Variants in EXTL2 observed in about 807,000 individuals in gnomAD.
EXTL2 encodes exostosin like glycosyltransferase 2.
Under a neutral mutation model 30.7 loss-of-function variants are expected in EXTL2, and 23 were observed. The observed-to-expected ratio is 0.75, with a 90% confidence interval of 0.54 to 1.06. The LOEUF (loss-of-function observed/expected upper bound fraction) is 1.06. EXTL2 is among the 50% of genes least tolerant of loss of function. The pLI is 0.00. For synonymous variants in EXTL2, 123 were observed against 133.8 expected, an observed-to-expected ratio of 0.92 and a Z score of 0.56; for missense variants, 352 against 396.3, an observed-to-expected ratio of 0.89 and a Z score of 0.95.
intron 4 of EXTL2, 54 bp from the exon 5 acceptor site, chr1:100,874,484 A>G: frequency 7.3e-7 from 1 of 1,363,264 alleles, no homozygotes; most frequent in South Asian, 1.4e-5. Context: ...GAGAAGACAT[A>G]GTGAAAAAGG....
In EXTL2 at chr1:100,874,050, A is replaced by G; in HGVS notation, c.885T>C (p.Tyr295=). The change falls in exon 5 of 5, where the codon TAT becomes TAC. Residue 295 remains tyrosine (Y), a synonymous_variant. Transcript: ENST00000370114. ...HRAEHALQRS[Y]CINKLVNIYD... is the part of the protein sequence containing the mutation. ...AGATATTAACAAGCTTATTTATACAATAAGACCTCTGCAGAGCGTGCTCAG... is the reference window on the plus strand; with the variant it reads ...AGATATTAACAAGCTTATTTATACAGTAAGACCTCTGCAGAGCGTGCTCAG... 4.3e-6 allele frequency: 7 copies of G among 1,613,194 alleles called. No homozygotes were observed. The highest frequency in any genetic ancestry group is 5.9e-6 in the Non-Finnish European group (7 of 1,179,500).
intron 2 of EXTL2, among the ~76,000 whole-genome samples, chr1:100,883,597 G>T: frequency 6.6e-6 from 1 of 151,572 alleles, no homozygotes; most frequent in African/African-American, 2.4e-5. Flanking sequence ...TTTTTTTGTT[G>T]CCAAGTAACA....
intron 4 of EXTL2, 148 bp from the exon 5 acceptor site, chr1:100,874,578 C>T (rs12039319): frequency 0.4 from 264,818 of 664,462 alleles, 55,275 homozygotes; most frequent in South Asian, 0.49. Context: ...TATCTAGCTC[C>T]AGGTAACTTC....
chr1:100,893,173 G>A (rs1650567872), intron 1 of EXTL2, among the ~76,000 whole-genome samples: 1 of 152,184 alleles, frequency 6.6e-6, no homozygotes, highest in Admixed American at 6.5e-5. Context: ...GTTTAAAAAT[G>A]TTCAATAGTA....
intron 1 of EXTL2, among the ~76,000 whole-genome samples, chr1:100,889,146 G>A (rs1650209769): frequency 6.6e-6 from 1 of 152,198 alleles, no homozygotes; most frequent in Non-Finnish European, 1.5e-5. Flanking sequence ...TTGACTCATA[G>A]TTCCACATGG....
chr1:100,887,206 A>C (rs772428964), intron 2 of EXTL2, among the ~76,000 whole-genome samples: 1 of 152,224 alleles, frequency 6.6e-6, no homozygotes, highest in Admixed American at 6.5e-5. Context: ...TCTTTTATCC[A>C]ATATTGGTTT....
intron 4 of EXTL2, among the ~76,000 whole-genome samples, chr1:100,875,091 TA>T (rs1323254880): frequency 3.3e-5 from 5 of 151,958 alleles, no homozygotes; most frequent in African/African-American, 4.8e-5. Context: ...TGAGCATGAC[TA>T]AAAATAAAAC....
In EXTL2 at chr1:100,877,587, C is replaced by T. The variant is rs775114243; in HGVS notation, c.322G>A (p.Asp108Asn). The change falls in exon 3 of 5, where the codon GAT (aspartate) becomes AAT (asparagine). Residue 108 changes from aspartate to asparagine, a missense_variant. Asp to Asn is a conservative substitution (Grantham distance 23, BLOSUM62 1). Coordinates refer to ENST00000370114, the MANE Select transcript of EXTL2 (RefSeq NM_001033025.3). This position sits in a 1 kb window ranked among gnomAD's most constrained non-coding sequence, Gnocchi z 4.1. The stretch of plus-strand genomic sequence containing the variant: ...GGCCCTAGAGAATTCCATAATTCAT[C>T]TGGTGCCTTCTCTCCAATATTGTTC... ...VWNNIGEKAP[D>N]ELWNSLGPHP... 1.2e-6 allele frequency: 2 copies of T among 1,613,458 alleles called. No homozygotes were observed. The highest frequency in any genetic ancestry group is 2.2e-5 in the East Asian group (1 of 44,850).
chr1:100,882,435 C>T (rs1037804887), intron 2 of EXTL2, among the ~76,000 whole-genome samples: 1 of 152,246 alleles, frequency 6.6e-6, no homozygotes, highest in Non-Finnish European at 1.5e-5. Flanking sequence ...CACACTTAAA[C>T]ATCATGATGA....
rs1243352599 is a variant in EXTL2 at position 100,894,742 on chromosome 1, C to T, written c.-181G>A. 1.3e-5 allele frequency: 2 copies of T among 151,666 alleles called. No individual in the cohort carries two copies. Among genetic ancestry groups the T allele is most frequent in the African/African-American group, 4.8e-5 (2 of 41,250 alleles). 9.4% of individuals were successfully genotyped at this position (151,666 alleles called of 1,614,324 possible). On this transcript the variant is annotated 5_prime_UTR_variant, in exon 1 of 5. It introduces an in-frame stop codon into an upstream open reading frame of the 5' UTR. Coordinates refer to ENST00000370114, the MANE Select transcript of EXTL2 (RefSeq NM_001033025.3). The stretch of plus-strand genomic sequence containing the variant: ...GCTCATTTTTGTTTTTTTTTCTAAA[C>T]CAAGTAGCGTGCATCTATCCTTCTC...
chr1:100,884,069 G>C (rs1160176913), intron 2 of EXTL2, among the ~76,000 whole-genome samples: 3 of 152,080 alleles, frequency 2.0e-5, no homozygotes, highest in African/African-American at 7.2e-5. Context: ...CTTCAGACTG[G>C]AAAGCAATAA....
chr1:100,877,859 C>T lies in EXTL2; in HGVS notation c.50G>A (p.Arg17Gln), dbSNP rs765298108. ...CKLPGRVMGI[R>Q]VLRLSLVVIL... Reference sequence around the variant, plus strand: ...GACCACCAAAGATAATCGAAGCACTCGAATCCCCATTACTCTCCCAGGAAG... The same window carrying T: ...GACCACCAAAGATAATCGAAGCACTTGAATCCCCATTACTCTCCCAGGAAG... Residue 17 changes from arginine (R) to glutamine (Q), a missense_variant, in exon 3 of 5, where the codon CGA becomes CAA. Arg to Gln is a conservative substitution (Grantham distance 43). Transcript: ENST00000370114. The surrounding 1 kb of genome is among the most constrained non-coding windows in gnomAD (Gnocchi z 4.1). 3.1e-5 allele frequency: 49 copies of T among 1,599,690 alleles called. No individual in the cohort carries two copies. In the South Asian group the frequency reaches 3.8e-4, roughly 13 times the overall value.
rs1246094347 is a variant in EXTL2, at chr1:100,873,815, CT to C, written c.*126del. 11 of 1,011,868 alleles carry C rather than the reference CT, an allele frequency of 1.1e-5. No homozygotes were observed. The highest frequency in any genetic ancestry group is 2.0e-5 in the South Asian group (1 of 50,852). The allele number at this position is 1,011,868 out of a possible 1,614,324, so 62.7% of individuals were successfully genotyped here. On this transcript the variant is annotated 3_prime_UTR_variant, in exon 5 of 5. Coordinates refer to ENST00000370114, the MANE Select transcript of EXTL2 (RefSeq NM_001033025.3). The stretch of plus-strand genomic sequence containing the variant: ...AATTTTATATCCTAGAAGCACTGCA[CT>C]TTTTTTTCTATTGTAGAGACTTCTG...
intron 2 of EXTL2, among the ~76,000 whole-genome samples, chr1:100,882,581 G>A (rs1475332680): frequency 1.3e-5 from 2 of 152,212 alleles, no homozygotes; most frequent in African/African-American, 4.8e-5. Context: ...CAGCACTTAC[G>A]GGGGCAAAAG....
chr1:100,874,510 G>A (rs2100909589), intron 4 of EXTL2, 80 bp from the exon 5 acceptor site: 2 of 1,165,940 alleles, frequency 1.7e-6, no homozygotes, highest in East Asian at 4.7e-5. Context: ...ATTTATTACA[G>A]AGAGAATGAA....
At chr1:100,884,547 G>A (rs377669264) in intron 2 of EXTL2, among the ~76,000 whole-genome samples, 7 of 152,324 alleles carry the variant, frequency 4.6e-5, no homozygotes, top group African/African-American at 1.7e-4. Flanking sequence ...CTAAGGCAAA[G>A]GCGCATGTGG....
intron 2 of EXTL2, among the ~76,000 whole-genome samples, chr1:100,887,675 ACT>A (rs1005154564): frequency 1.3e-5 from 2 of 151,462 alleles, no homozygotes; most frequent in Non-Finnish European, 3.0e-5. Context: ...CAAACTCTCG[ACT>A]CTCTCACTTG....
chr1:100,879,368 ACTCTATTCAAGTGCAAAG>A (rs1368481219), intron 2 of EXTL2, among the ~76,000 whole-genome samples: 1 of 152,034 alleles, frequency 6.6e-6, no homozygotes, highest in East Asian at 1.9e-4. Flanking sequence ...CTATTTTACT[ACTCTATTCAAGTGCAAAG>A]CCAGAAGTGA....
intron 2 of EXTL2, among the ~76,000 whole-genome samples, chr1:100,884,188 T>G (rs1212535278): frequency 6.6e-6 from 1 of 152,194 alleles, no homozygotes. Flanking sequence ...TGTTGTACAA[T>G]GAGAAGCTGT....
Sources: allele counts gnomAD v4.1 joint callset (sites outside exome capture counted in the v4.1 genomes callset), GRCh38; gene constraint gnomAD v4.1.1; non-coding constraint Gnocchi (gnomAD v3.1); transcripts MANE v1.5; gene names NCBI Gene and HGNC (gene_info 2026-07-23, HGNC 2026-07-21).